TIMD4: variants seen among roughly 807,000 people sequenced by gnomAD.
TIMD4 encodes T cell immunoglobulin and mucin domain containing 4, also known as T-cell immunoglobulin and mucin domain-containing protein 4.
TIMD4 carries 31 observed loss-of-function variants against 41.2 expected under a neutral mutation model. The observed-to-expected ratio is 0.75, with a 90% CI of 0.57 to 1.01. TIMD4 has a LOEUF of 1.01. Ranked by LOEUF, TIMD4 falls within the 50% of genes least tolerant of loss-of-function variation. The pLI is 0.00. For missense variants in TIMD4, 479 were observed against 472.5 expected, an observed-to-expected ratio of 1.01 and a Z score of -0.13; for synonymous variants, 204 against 177.1, an observed-to-expected ratio of 1.15 and a Z score of -1.21.
chr5:156,959,471 T>A (rs928093278), intron 1 of TIMD4, among the ~76,000 whole-genome samples: 1 of 152,178 alleles, frequency 6.6e-6, no homozygotes, highest in African/African-American at 2.4e-5. Flanking sequence ...AAAAAATGGT[T>A]CCTGTCTGTT....
intron 1 of TIMD4, among the ~76,000 whole-genome samples, chr5:156,957,995 C>T (rs185706913): frequency 1.1e-4 from 17 of 152,106 alleles, no homozygotes; most frequent in Middle Eastern, 3.4e-3. Flanking sequence ...AAGATCTGGC[C>T]GGGCGCGGTG....
intron 5 of TIMD4, among the ~76,000 whole-genome samples, chr5:156,941,175 T>TGCGGAAG (rs1317883294): frequency 5.9e-5 from 9 of 152,188 alleles, no homozygotes; most frequent in African/African-American, 1.7e-4. Flanking sequence ...ACACAAACAC[T>TGCGGAAG]GCGGAAGGCC....
At chr5:156,937,648 AG>A (rs1759564786) in intron 5 of TIMD4, among the ~76,000 whole-genome samples, 1 of 152,146 alleles carries the variant, frequency 6.6e-6, no homozygotes, top group Non-Finnish European at 1.5e-5. Context: ...CCTCTTTTAA[AG>A]CTTGGCAATT....
chr5:156,960,065 A>T (rs1267778792), intron 1 of TIMD4, among the ~76,000 whole-genome samples: 1 of 144,430 alleles, frequency 6.9e-6, no homozygotes, highest in East Asian at 2.1e-4. Flanking sequence ...AAATATTTTG[A>T]AAAACAAAAG....
chr5:156,924,749 G>T, intron 6 of TIMD4: 1 of 158,032 alleles, frequency 6.3e-6, no homozygotes, highest in Non-Finnish European at 1.4e-5. Flanking sequence ...ATCAGTTACA[G>T]GTAAGCAACA....
chr5:156,948,360 AT>A (rs748467295), intron 5 of TIMD4, 55 bp downstream of exon 5: 2,246 of 1,011,286 alleles, frequency 2.2e-3, no homozygotes, highest in Middle Eastern at 3.0e-3. Flanking sequence ...TCTAAAAAAA[AT>A]AATAATAATA....
intron 6 of TIMD4, among the ~76,000 whole-genome samples, chr5:156,923,031 C>A (rs1223962146): frequency 6.6e-6 from 1 of 151,558 alleles, no homozygotes; most frequent in Non-Finnish European, 1.5e-5. Flanking sequence ...GCACATGTAC[C>A]CCTGAACCTA....
intron 1 of TIMD4, among the ~76,000 whole-genome samples, chr5:156,961,841 GAAAAA>G (rs58076212): frequency 3.8e-5 from 3 of 79,542 alleles, no homozygotes; most frequent in African/African-American, 1.3e-4. Flanking sequence ...AAAAAAGAAA[GAAAAA>G]AAAAAAGAAA....
At chr5:156,920,387 A>G in intron 8 of TIMD4, 77 bp downstream of exon 8, 1 of 1,485,642 alleles carries the variant, frequency 6.7e-7, no homozygotes, top group Non-Finnish European at 9.4e-7. Context: ...TCAAGTCATT[A>G]AACCACTGAG....
chr5:156,935,577 T>C (rs2113358872), intron 5 of TIMD4: 2 of 152,308 alleles, frequency 1.3e-5, no homozygotes, highest in Middle Eastern at 6.8e-3. Flanking sequence ...GCAAGTTCTG[T>C]TGGCACCCAA....
rs1759861363 is a variant in TIMD4 at position 156,951,716 on chromosome 5, G to T, written c.475C>A (p.Gln159Lys). Residue 159 changes from glutamine to lysine, a missense_variant, in exon 3 of 9, where the codon CAA (glutamine) becomes AAA (lysine). Gln to Lys is a moderately conservative substitution (Grantham distance 53, BLOSUM62 1). Transcript: ENST00000274532. The part of the protein sequence containing the change: ...TTTTSPTTTR[Q>K]MTTTPAALPT... ...AGTGCAGCTGGGGTTGTTGTCATTT[G>T]TCGGGTGGTGGTGGGGCTTGTTGTT... The T allele has an allele frequency of 6.2e-7, 1 of 1,614,042 alleles. No individual in the cohort carries two copies. Among genetic ancestry groups the T allele is most frequent in the African/African-American group, 1.3e-5 (1 of 74,908 alleles).
rs574888071 is a variant in TIMD4, at chr5:156,939,448, G to T, written c.844+8968C>A. On this transcript the variant is annotated intron_variant, in intron 5 of 8. Transcript: ENST00000274532. The stretch of plus-strand genomic sequence containing the variant: ...TTGAGAGAATATACATGAAAGTATT[G>T]GTATACTGGCAAGTCTTTATTTAGC... Among the ~76,000 whole-genome samples the T allele has an allele frequency of 4.1e-4, 63 of 152,200 alleles. No individual in the cohort carries two copies. In the South Asian group the frequency reaches 0.012, roughly 29 times the overall value.
chr5:156,940,573 G>T (rs372340963), intron 5 of TIMD4, among the ~76,000 whole-genome samples: 1 of 149,298 alleles, frequency 6.7e-6, no homozygotes, highest in South Asian at 2.1e-4. Context: ...CCGCCGCCCC[G>T]TCTGGGATGT....
At chr5:156,939,522 CCA>C (rs1759601435) in intron 5 of TIMD4, among the ~76,000 whole-genome samples, 2 of 152,140 alleles carry the variant, frequency 1.3e-5, no homozygotes, top group East Asian at 3.9e-4. Flanking sequence ...GATATAAGTG[CCA>C]ATTAGCAAAG....
intron 3 of TIMD4, 109 bp from the exon 4 acceptor site, chr5:156,949,840 C>T (rs754679608): frequency 1.5e-6 from 1 of 679,330 alleles, no homozygotes; most frequent in Non-Finnish European, 2.6e-6. Context: ...TTTTTTGAAA[C>T]AGAGTCTTGC....
At position 156,954,604 on chromosome 5, in the gene TIMD4, T is replaced by G. The variant is rs758686207; in HGVS notation, c.211A>C (p.Thr71Pro). 2 of 1,613,964 alleles carry G rather than the reference T, an allele frequency of 1.2e-6. No individual in the cohort carries two copies. The highest frequency in any genetic ancestry group is 1.7e-6 in the Non-Finnish European group (2 of 1,179,904). ...CTTGAGGTCACCCTCATTCCATCAG[T>G]GCGGATGAGCGCCTCCTTGCAACCG... ...YSGCKEALIR[T>P]DGMRVTSRKS... The change falls in exon 2 of 9, where the codon ACT becomes CCT. Residue 71 changes from threonine to proline, a missense_variant. Thr to Pro is a conservative substitution (Grantham distance 38, BLOSUM62 -1). Transcript: ENST00000274532.
chr5:156,951,530 C>T lies in TIMD4; in HGVS notation c.661G>A (p.Gly221Arg), dbSNP rs780999958. ...GLLTPEPSKE[G>R]PILTAESETV... The stretch of plus-strand genomic sequence containing the variant: ...TGCGTACCTGCAGTGAGGATGGGCC[C>T]TTCCTTAGAAGGCTCGGGAGTCAGA... The change falls in exon 3 of 9, where the codon GGG (glycine) becomes AGG (arginine). Residue 221 changes from glycine to arginine, a missense_variant. Coordinates refer to ENST00000274532, the MANE Select transcript of TIMD4 (RefSeq NM_138379.3). 2 of 1,614,160 alleles carry T rather than the reference C, an allele frequency of 1.2e-6. No homozygotes were observed. The highest frequency in any genetic ancestry group is 1.7e-6 in the Non-Finnish European group (2 of 1,180,030).
chr5:156,939,320 C>T (rs1759598195), intron 5 of TIMD4, among the ~76,000 whole-genome samples: 1 of 152,166 alleles, frequency 6.6e-6, no homozygotes, highest in Non-Finnish European at 1.5e-5. Flanking sequence ...AGACAATGCA[C>T]TAGACACGTT....
chr5:156,936,175 G>T (rs542092942), intron 5 of TIMD4, among the ~76,000 whole-genome samples: 1 of 152,218 alleles, frequency 6.6e-6, no homozygotes, highest in South Asian at 2.1e-4. Context: ...AGAGATAAAG[G>T]CTGCAGTGAG....
Sources: allele counts gnomAD v4.1 joint callset (sites outside exome capture counted in the v4.1 genomes callset), GRCh38; gene constraint gnomAD v4.1.1; transcripts MANE v1.5; gene names NCBI Gene and HGNC (gene_info 2026-07-23, HGNC 2026-07-21).